Variants in DHX35 observed in about 807,000 individuals in gnomAD.
DHX35 encodes probable ATP-dependent RNA helicase DHX35.
In DHX35, 84 loss-of-function variants were observed where a neutral mutation model predicts 99.6. That is an observed-to-expected ratio of 0.84 (90% CI 0.71 to 1.01). The LOEUF (loss-of-function observed/expected upper bound fraction) is 1.01. Ranked by LOEUF, DHX35 falls within the 50% of genes least tolerant of loss-of-function variation. DHX35 has a pLI of 0.00. For synonymous variants in DHX35, 331 were observed against 316.2 expected (o/e 1.05, Z -0.50); for missense variants, 852 against 888.5 (o/e 0.96, Z 0.52).
At chr20:38,971,999 G>T (rs113353158) in intron 2 of DHX35, among the ~76,000 whole-genome samples, 2,630 of 102,450 alleles carry the variant, frequency 0.026, 101 homozygotes, top group Non-Finnish European at 0.037. Context: ...TTTTTGTTTT[G>T]TTTTGTTTTT....
intron 14 of DHX35, 81 bp downstream of exon 14, chr20:39,015,015 T>A: frequency 6.6e-7 from 1 of 1,508,758 alleles, no homozygotes; most frequent in Non-Finnish European, 9.2e-7. Flanking sequence ...ACTTTAGGGA[T>A]TTTAGTATCT....
rs1014572073 is a variant in DHX35 at position 39,006,051 on chromosome 20, A to G, written c.1012-95A>G. ...TAAACTGCCTCTCACAGATTCTGCAATGTTGGAAATGTTAAATCTTTTAGG... is the reference window on the plus strand; with the variant it reads ...TAAACTGCCTCTCACAGATTCTGCAGTGTTGGAAATGTTAAATCTTTTAGG... On this transcript the variant is annotated intron_variant, in intron 11 of 21. Coordinates refer to ENST00000252011, the MANE Select transcript of DHX35 (RefSeq NM_021931.4). 22 of 1,384,850 alleles carry G rather than the reference A, an allele frequency of 1.6e-5. No homozygotes were observed. The Admixed American group carries it at 1.6e-4, about 10-fold the overall frequency. The allele number at this position is 1,384,850 out of a possible 1,614,324, so 85.8% of individuals were successfully genotyped here. A position where few individuals can be genotyped will look rare whatever the true frequency, so the allele number is the denominator to read the frequency against.
At chr20:38,998,981 T>C (rs1168575098) in intron 8 of DHX35, among the ~76,000 whole-genome samples, 1 of 152,056 alleles carries the variant, frequency 6.6e-6, no homozygotes, top group Non-Finnish European at 1.5e-5. Context: ...GTATTTTTAG[T>C]AGAGATGGGG....
intron 12 of DHX35, among the ~76,000 whole-genome samples, chr20:39,008,466 G>A (rs909163820): frequency 2.8e-4 from 42 of 152,316 alleles, no homozygotes; most frequent in African/African-American, 9.4e-4. Flanking sequence ...TATCTCATGT[G>A]CCAAGAAATC....
intron 1 of DHX35, among the ~76,000 whole-genome samples, chr20:38,966,897 A>G (rs372956650): frequency 5.9e-5 from 9 of 152,220 alleles, no homozygotes; most frequent in Admixed American, 2.0e-4. Context: ...ATGTAGTGAC[A>G]AGAAGGGAAG....
intron 3 of DHX35, among the ~76,000 whole-genome samples, chr20:38,976,179 T>C (rs2086073876): frequency 1.3e-5 from 2 of 152,178 alleles, no homozygotes; most frequent in African/African-American, 4.8e-5. Context: ...TTTTTGAACA[T>C]TAATAGGTTC....
In DHX35 at chr20:39,038,564, T is replaced by G. The variant is rs761013646; in HGVS notation, c.*21T>G. ...CGTGAGAGGAGCCCACAGCTACAGC[T>G]GCAGGGACTGCTGGCGTCCTCTCCT... On this transcript the variant is annotated 3_prime_UTR_variant, in exon 22 of 22. Transcript: ENST00000252011. 1 of 1,608,838 alleles carries G rather than the reference T, an allele frequency of 6.2e-7. No individual in the cohort carries two copies. The highest frequency in any genetic ancestry group is 2.2e-5 in the East Asian group (1 of 44,820).
At chr20:38,964,547 C>T (rs955739052) in intron 1 of DHX35, among the ~76,000 whole-genome samples, 9 of 152,110 alleles carry the variant, frequency 5.9e-5, no homozygotes, top group African/African-American at 9.7e-5. Context: ...TCTCCTGCCT[C>T]AGCCTCCTGA....
rs759051756 is a variant in DHX35 at position 39,003,823 on chromosome 20, C to T, written c.927C>T (p.His309=). ...TAGCTCGCACTGGGATGAAGAGACA[C>T]CTCCGAGTTCTCCCCATGTATGCAG... ...RALARTGMKR[H]LRVLPMYAGL... The change falls in exon 11 of 22, where the codon CAC becomes CAT. Residue 309 remains histidine, a synonymous_variant. Transcript: ENST00000252011. 1.2e-6 allele frequency: 2 copies of T among 1,614,180 alleles called. No individual in the cohort carries two copies. Among genetic ancestry groups the T allele is most frequent in the Non-Finnish European group, 1.7e-6 (2 of 1,180,030 alleles).
intron 15 of DHX35, 76 bp from the exon 16 acceptor site, chr20:39,021,765 A>G (rs1165185852): frequency 5.7e-6 from 8 of 1,393,622 alleles, no homozygotes; most frequent in Middle Eastern, 1.8e-4. Flanking sequence ...TGGTGCAAGG[A>G]AAGTATCAGA....
At chr20:39,035,373 C>CT (rs1345538033) in intron 21 of DHX35, among the ~76,000 whole-genome samples, 2 of 152,194 alleles carry the variant, frequency 1.3e-5, no homozygotes, top group Non-Finnish European at 2.9e-5. Flanking sequence ...CGCCCAGCTC[C>CT]TTTTTTAAAA....
At chr20:39,010,566 A>G (rs73621984) in intron 13 of DHX35, among the ~76,000 whole-genome samples, 162 bp downstream of exon 13, 27,216 of 152,120 alleles carry the variant, frequency 0.18, 2,542 homozygotes, top group Middle Eastern at 0.32. Context: ...CGTAGGGGAA[A>G]ACAGCCAGAC....
chr20:39,014,800 G>A, intron 13 of DHX35, 80 bp from the exon 14 acceptor site: 1 of 1,555,638 alleles, frequency 6.4e-7, no homozygotes, highest in Non-Finnish European at 8.9e-7. Flanking sequence ...GGGGAGAATG[G>A]ATTTGAAAAG....
chr20:38,971,354 AAAAAC>A (rs1346812984), intron 2 of DHX35, among the ~76,000 whole-genome samples: 4 of 152,206 alleles, frequency 2.6e-5, no homozygotes, highest in East Asian at 1.9e-4. Context: ...CTCCATCTCA[AAAAAC>A]AAAACAAAAC....
intron 7 of DHX35, among the ~76,000 whole-genome samples, chr20:38,993,156 A>C (rs2086367627): frequency 6.6e-6 from 1 of 152,216 alleles, no homozygotes; most frequent in Non-Finnish European, 1.5e-5. Context: ...ATTGAGTCAG[A>C]CTACCTGGGT....
At chr20:38,962,533 C>G in intron 1 of DHX35, 126 bp downstream of exon 1, 2 of 1,242,408 alleles carry the variant, frequency 1.6e-6, no homozygotes, top group Non-Finnish European at 2.2e-6. Flanking sequence ...GCGCTGCCGC[C>G]TCTGTGCGGG....
chr20:39,008,307 G>A (rs1406064552), intron 12 of DHX35, among the ~76,000 whole-genome samples: 1 of 152,196 alleles, frequency 6.6e-6, no homozygotes, highest in African/African-American at 2.4e-5. Context: ...GGCTGTTTTT[G>A]CCTTTTGGCT....
Position 39,019,480 on chromosome 20 carries a change from C to A in DHX35, c.1498+581C>A, listed in dbSNP as rs191771618. Among the ~76,000 whole-genome samples the A allele has an allele frequency of 5.3e-5, 8 of 152,264 alleles. No homozygotes were observed. In the East Asian group the frequency reaches 1.2e-3, roughly 22 times the overall value. ...TAATGCTGCTATGAACATGGATACA[C>A]AAATATCATTTTGAGTCCCTGCTTT... On this transcript the variant is annotated intron_variant, in intron 15 of 21. Transcript: ENST00000252011.
intron 3 of DHX35, among the ~76,000 whole-genome samples, chr20:38,976,482 CTG>C (rs988188131): frequency 1.3e-5 from 2 of 149,052 alleles, no homozygotes; most frequent in African/African-American, 2.5e-5. Flanking sequence ...TGACACATAA[CTG>C]TGCATATTTA....
Sources: allele counts gnomAD v4.1 joint callset (sites outside exome capture counted in the v4.1 genomes callset), GRCh38; gene constraint gnomAD v4.1.1; transcripts MANE v1.5; gene names NCBI Gene and HGNC (gene_info 2026-07-23, HGNC 2026-07-21).